Variants in PDCL2 observed in about 807,000 individuals in gnomAD.
PDCL2 encodes phosducin like 2, also known as phosducin-like protein 2.
PDCL2 carries 23 observed loss-of-function variants against 30.3 expected under a neutral mutation model. The ratio of observed to expected loss-of-function variants is 0.76; its 90% CI spans 0.55 to 1.08. The LOEUF is 1.08. PDCL2 is among the 50% of genes least tolerant of loss of function. The pLI is 0.00. For synonymous variants in PDCL2, 68 were observed against 86.2 expected (o/e 0.79, Z 1.17); for missense variants, 243 against 282.3 (o/e 0.86, Z 1.00).
chr4:55,581,185 C>CT (rs1732700119), intron 2 of PDCL2, among the ~76,000 whole-genome samples: 5 of 152,144 alleles, frequency 3.3e-5, no homozygotes, highest in African/African-American at 1.2e-4. Context: ...ATCCTAGCTA[C>CT]TCGGGAGGCT....
chr4:55,580,105 C>G (rs1391521561), intron 3 of PDCL2, among the ~76,000 whole-genome samples: 2 of 152,128 alleles, frequency 1.3e-5, no homozygotes. Context: ...CCTCAGCCTC[C>G]CAAAGTGCTA....
chr4:55,583,472 C>T (rs1281425375), intron 1 of PDCL2, among the ~76,000 whole-genome samples: 1 of 152,026 alleles, frequency 6.6e-6, no homozygotes, highest in East Asian at 1.9e-4. Flanking sequence ...GGATTAAATC[C>T]AAAAATTCAC....
chr4:55,584,242 T>TTGC lies in PDCL2; in HGVS notation c.7-2006_7-2005insGCA, dbSNP rs1732802669. On this transcript the variant is annotated intron_variant, in intron 1 of 5. Transcript: ENST00000295645. ...ATACAGAAATGTTACTAGTTTTTTT[T>TTGC]TGTTGTTGTTGTTTTGTTTTGTTTT... Among the ~76,000 whole-genome samples the TTGC allele has an allele frequency of 5.8e-4, 36 of 62,602 alleles. No homozygotes were observed. In the Admixed American group the frequency reaches 5.8e-3, roughly 10 times the overall value. The allele number at this position is 62,602 out of a possible 152,430, so 41.1% of individuals were successfully genotyped here. A position where few individuals can be genotyped will look rare whatever the true frequency, so the allele number is the denominator to read the frequency against.
rs1230681897 is a variant in PDCL2 at position 55,582,119 on chromosome 4, A to AT, written c.124dup (p.Met42AsnfsTer6). Reference sequence around the variant, plus strand: ...GCCCACCAAATCTACGACCATACCCATTGCTTCTTTCTGTAAACGTAAAAC... The same window carrying AT: ...GCCCACCAAATCTACGACCATACCCATTTGCTTCTTTCTGTAAACGTAAAAC... On this transcript the variant is annotated frameshift_variant, in exon 2 of 6. Transcript: ENST00000295645. LOFTEE classifies it high-confidence loss of function. 1.9e-6 allele frequency: 3 copies of AT among 1,612,556 alleles called. No homozygotes were observed. Among genetic ancestry groups the AT allele is most frequent in the Non-Finnish European group, 2.5e-6 (3 of 1,179,598 alleles).
intron 3 of PDCL2, among the ~76,000 whole-genome samples, chr4:55,579,190 T>A (rs1192585935): frequency 6.6e-6 from 1 of 152,098 alleles, no homozygotes; most frequent in East Asian, 1.9e-4. Context: ...TTTTTTTTTT[T>A]AAGTACTTCC....
intron 3 of PDCL2, among the ~76,000 whole-genome samples, chr4:55,571,456 G>T (rs10034170): frequency 0.75 from 112,550 of 149,412 alleles, 42,808 homozygotes; most frequent in East Asian, 0.9. Flanking sequence ...GGGAGGCCGA[G>T]GCGGGCAGAT....
intron 1 of PDCL2, among the ~76,000 whole-genome samples, chr4:55,587,104 C>G (rs1586555): frequency 0.3 from 45,450 of 150,758 alleles, 7,409 homozygotes; most frequent in East Asian, 0.58. Flanking sequence ...ATGGCACTGT[C>G]AAGTTCATTG....
chr4:55,587,628 G>C (rs758153350), intron 1 of PDCL2, among the ~76,000 whole-genome samples: 2 of 150,672 alleles, frequency 1.3e-5, no homozygotes, highest in Non-Finnish European at 2.9e-5. Context: ...GAGCAATCTC[G>C]GCTCACTGAG....
chr4:55,564,885 C>T (rs1732222769), intron 4 of PDCL2, among the ~76,000 whole-genome samples: 1 of 152,194 alleles, frequency 6.6e-6, no homozygotes, highest in Non-Finnish European at 1.5e-5. Flanking sequence ...GAGATTTGAT[C>T]TAACCAACTC....
At chr4:55,581,702 T>A (rs892340927) in intron 2 of PDCL2, among the ~76,000 whole-genome samples, 1 of 152,116 alleles carries the variant, frequency 6.6e-6, no homozygotes, top group Non-Finnish European at 1.5e-5. Flanking sequence ...AAATGTTTAT[T>A]TGTTTTGTTT....
chr4:55,590,696 T>C (rs1275663208), intron 1 of PDCL2, among the ~76,000 whole-genome samples: 3 of 151,868 alleles, frequency 2.0e-5, no homozygotes, highest in African/African-American at 4.8e-5. Flanking sequence ...GGTTTTGCCA[T>C]GTAGGCCAGG....
chr4:55,577,932 C>A (rs1351275296), intron 3 of PDCL2, among the ~76,000 whole-genome samples: 2 of 152,022 alleles, frequency 1.3e-5, no homozygotes, highest in Admixed American at 6.6e-5. Flanking sequence ...TATTTGAATC[C>A]TATAATGTGG....
At chr4:55,580,964 T>A in intron 2 of PDCL2, 53 bp from the exon 3 acceptor site, 1 of 1,350,830 alleles carries the variant, frequency 7.4e-7, no homozygotes, top group Non-Finnish European at 9.9e-7. Context: ...TTTTTTACTA[T>A]ACAGTCAATG....
chr4:55,585,658 G>A (rs181180648), intron 1 of PDCL2, among the ~76,000 whole-genome samples: 1 of 152,292 alleles, frequency 6.6e-6, no homozygotes, highest in East Asian at 1.9e-4. Flanking sequence ...ATTTACTGGT[G>A]AAGGCATCAG....
chr4:55,590,092 G>C (rs1345767703), intron 1 of PDCL2, among the ~76,000 whole-genome samples: 1 of 149,712 alleles, frequency 6.7e-6, no homozygotes, highest in Non-Finnish European at 1.5e-5. Flanking sequence ...AGCTACTCAG[G>C]AGGCTGAGGC....
intron 3 of PDCL2, among the ~76,000 whole-genome samples, chr4:55,572,116 G>A (rs1732441910): frequency 6.6e-6 from 1 of 152,018 alleles, no homozygotes; most frequent in Admixed American, 6.5e-5. Context: ...GAATTGGGCA[G>A]GGGAGAACAG....
In PDCL2 at chr4:55,557,881, G is replaced by A. The variant is rs570336287; in HGVS notation, c.572-1170C>T. On this transcript the variant is annotated intron_variant, in intron 5 of 5. Coordinates refer to ENST00000295645, the MANE Select transcript of PDCL2 (RefSeq NM_152401.3). ...AGCACTTCGAAAGGCTGAGGAGGGC[G>A]GATCACCTGAGGTAAGGAGTTCAAG... 4.4e-4 allele frequency among the ~76,000 whole-genome samples: 66 copies of A among 151,452 alleles called. 3 individuals carry two copies. The highest frequency in any genetic ancestry group is 2.9e-3 in the Admixed American group (44 of 15,190).
chr4:55,584,364 C>T (rs1197603119), intron 1 of PDCL2, among the ~76,000 whole-genome samples: 3 of 152,070 alleles, frequency 2.0e-5, no homozygotes, highest in Non-Finnish European at 4.4e-5. Context: ...TCAAGTGATT[C>T]TCCTGCCTCA....
At chr4:55,580,689 G>A (rs1239490540) in intron 3 of PDCL2, 132 bp downstream of exon 3, 1 of 557,532 alleles carries the variant, frequency 1.8e-6, no homozygotes, top group Non-Finnish European at 3.0e-6. Flanking sequence ...TTATATAAAG[G>A]GAGTTTCAAA....
Sources: allele counts gnomAD v4.1 joint callset (sites outside exome capture counted in the v4.1 genomes callset), GRCh38; gene constraint gnomAD v4.1.1; transcripts MANE v1.5; gene names NCBI Gene and HGNC (gene_info 2026-07-23, HGNC 2026-07-21).